The following ASCC1 variants were observed in gnomAD, a reference collection of about 807,000 sequenced individuals.
ASCC1 encodes ASC-1 complex subunit P50.
Under a neutral mutation model 46.6 loss-of-function variants are expected in ASCC1, and 35 were observed. That is an observed-to-expected ratio of 0.75 (90% CI 0.57 to 0.99). The LOEUF (loss-of-function observed/expected upper bound fraction) is 0.99, where lower values mean the gene tolerates loss of function less well. ASCC1 is among the 50% of genes least tolerant of loss of function. The pLI is 0.00. For missense variants in ASCC1, 376 were observed against 428.7 expected (o/e 0.88, Z 1.09); for synonymous variants, 143 against 146.6 (o/e 0.98, Z 0.18).
chr10:72,142,905 T>C (rs1847191309), intron 7 of ASCC1, among the ~76,000 whole-genome samples: 3 of 148,308 alleles, frequency 2.0e-5, no homozygotes, highest in African/African-American at 7.5e-5. Context: ...CTTACGCCTG[T>C]AATTCCAGCA....
intron 7 of ASCC1, among the ~76,000 whole-genome samples, chr10:72,135,090 G>A (rs1846031531): frequency 6.6e-6 from 1 of 152,168 alleles, no homozygotes; most frequent in Admixed American, 6.5e-5. Context: ...TTTCAATGAG[G>A]AGAAAAAGTT....
intron 5 of ASCC1, among the ~76,000 whole-genome samples, chr10:72,174,726 C>T (rs1232915668): frequency 6.6e-6 from 1 of 152,178 alleles, no homozygotes; most frequent in Non-Finnish European, 1.5e-5. Flanking sequence ...GTGCCTTTAA[C>T]CTGGAGTAGA....
At chr10:72,201,921 G>C (rs978499144) in intron 4 of ASCC1, among the ~76,000 whole-genome samples, 4 of 151,028 alleles carry the variant, frequency 2.6e-5, no homozygotes, top group African/African-American at 7.3e-5. Flanking sequence ...CTGGGCAACA[G>C]AGACTCTGTC....
intron 5 of ASCC1, among the ~76,000 whole-genome samples, chr10:72,173,885 T>C (rs1851543755): frequency 6.6e-6 from 1 of 152,260 alleles, no homozygotes; most frequent in South Asian, 2.1e-4. Context: ...GCTGGAACTA[T>C]CTTACTCCAT....
At chr10:72,185,271 T>A (rs1853282407) in intron 5 of ASCC1, among the ~76,000 whole-genome samples, 2 of 152,190 alleles carry the variant, frequency 1.3e-5, no homozygotes, top group South Asian at 2.1e-4. Context: ...ATTACACTAT[T>A]AAGTATTTAC....
At chr10:72,129,911 G>A (rs1845373020) in intron 8 of ASCC1, among the ~76,000 whole-genome samples, 1 of 150,122 alleles carries the variant, frequency 6.7e-6, no homozygotes, top group East Asian at 1.9e-4. Flanking sequence ...AGTGCGGGAG[G>A]TGGAGGTTGC....
chr10:72,181,650 C>G (rs989819987), intron 5 of ASCC1, among the ~76,000 whole-genome samples: 1 of 150,536 alleles, frequency 6.6e-6, no homozygotes, highest in Non-Finnish European at 1.5e-5. Context: ...GAAAAAAAAA[C>G]GTCTGGACAG....
intron 9 of ASCC1, among the ~76,000 whole-genome samples, chr10:72,114,051 A>T (rs1355352149): frequency 6.6e-6 from 1 of 152,234 alleles, no homozygotes; most frequent in Non-Finnish European, 1.5e-5. Context: ...AATAAGGCAT[A>T]AATGAAGCTG....
intron 5 of ASCC1, among the ~76,000 whole-genome samples, chr10:72,176,939 C>T (rs7099664): frequency 6.6e-6 from 1 of 151,284 alleles, no homozygotes; most frequent in Non-Finnish European, 1.5e-5. Flanking sequence ...GCAACCACTA[C>T]AGAATTTCTC....
intron 9 of ASCC1, among the ~76,000 whole-genome samples, chr10:72,121,983 C>T (rs1024752552): frequency 2.0e-5 from 3 of 152,194 alleles, no homozygotes; most frequent in Non-Finnish European, 4.4e-5. Flanking sequence ...CTGACTAAAA[C>T]AGATCACATT....
intron 9 of ASCC1, among the ~76,000 whole-genome samples, chr10:72,121,246 C>T (rs574115540): frequency 6.6e-5 from 10 of 152,254 alleles, no homozygotes; most frequent in African/African-American, 2.4e-4. Flanking sequence ...CAGGCACAAG[C>T]GATCCTCCCA....
In ASCC1 at chr10:72,115,006, T is replaced by A. The variant is rs539711832; in HGVS notation, c.957+13076A>T. On this transcript the variant is annotated intron_variant, in intron 9 of 9. Transcript: ENST00000672957. Reference sequence around the variant, plus strand: ...ATTAAATAGTACAGTATTCTTCTTTTGATGTTTTTTCAATCATTAAAAAAT... The same window carrying A: ...ATTAAATAGTACAGTATTCTTCTTTAGATGTTTTTTCAATCATTAAAAAAT... Among the ~76,000 whole-genome samples, 6 of 152,106 alleles carry A rather than the reference T, an allele frequency of 3.9e-5. No homozygotes were observed. The South Asian group carries it at 1.2e-3, about 31-fold the overall frequency.
chr10:72,205,696 C>T (rs1857111365), intron 3 of ASCC1, among the ~76,000 whole-genome samples: 1 of 151,044 alleles, frequency 6.6e-6, no homozygotes, highest in African/African-American at 2.4e-5. Context: ...ACTTGGAAGG[C>T]TGAGCAGGAG....
intron 3 of ASCC1, chr10:72,204,373 C>T: frequency 6.5e-7 from 1 of 1,549,282 alleles, no homozygotes; most frequent in Non-Finnish European, 8.7e-7. Context: ...AGCTCACAAT[C>T]CCCATCACTC....
At chr10:72,176,452 T>G (rs1190895753) in intron 5 of ASCC1, among the ~76,000 whole-genome samples, 2 of 152,024 alleles carry the variant, frequency 1.3e-5, no homozygotes, top group African/African-American at 4.8e-5. Context: ...GCAATCCTCC[T>G]CCCACATCAG....
chr10:72,205,173 TA>T (rs927972167), intron 3 of ASCC1, among the ~76,000 whole-genome samples: 2 of 151,598 alleles, frequency 1.3e-5, no homozygotes, highest in Non-Finnish European at 2.9e-5. Flanking sequence ...ATCCTGTCTC[TA>T]AAAAAATAAA....
chr10:72,202,133 GT>G (rs1227417000), intron 4 of ASCC1, among the ~76,000 whole-genome samples: 1 of 151,834 alleles, frequency 6.6e-6, no homozygotes, highest in Non-Finnish European at 1.5e-5. Flanking sequence ...AAGAAAATGG[GT>G]TAATGAATTA....
chr10:72,198,795 T>C, intron 4 of ASCC1: 1 of 409,972 alleles, frequency 2.4e-6, no homozygotes, highest in East Asian at 7.0e-5. Context: ...TATACTTTAC[T>C]TCTCTACAAG....
At chr10:72,111,576 GTAA>G (rs1048673237) in intron 9 of ASCC1, among the ~76,000 whole-genome samples, 2 of 152,068 alleles carry the variant, frequency 1.3e-5, no homozygotes, top group African/African-American at 2.4e-5. Context: ...CTTTTAATTT[GTAA>G]TAATAATGTT....
Sources: allele counts gnomAD v4.1 joint callset (sites outside exome capture counted in the v4.1 genomes callset), GRCh38; gene constraint gnomAD v4.1.1; transcripts MANE v1.5; gene names NCBI Gene and HGNC (gene_info 2026-07-23, HGNC 2026-07-21).